The following ANKFN1 variants were observed in gnomAD, a reference collection of about 807,000 sequenced individuals.
The protein encoded by ANKFN1 is ankyrin repeat and fibronectin type III domain containing 1.
Under a neutral mutation model 108.7 loss-of-function variants are expected in ANKFN1, and 74 were observed. The ratio of observed to expected loss-of-function variants is 0.68; its 90% confidence interval spans 0.56 to 0.83. The LOEUF is 0.83. Ranked by LOEUF, ANKFN1 falls within the 40% of genes least tolerant of loss-of-function variation. The pLI is 0.00. For missense variants in ANKFN1, 1,505 were observed against 1,382.3 expected, an observed-to-expected ratio of 1.09 and a Z score of -1.41; for synonymous variants, 547 against 516.2, an observed-to-expected ratio of 1.06 and a Z score of -0.81.
chr17:56,457,468 G>A (rs973215111), intron 13 of ANKFN1, 79 bp downstream of exon 13: 2 of 1,420,198 alleles, frequency 1.4e-6, no homozygotes, highest in Non-Finnish European at 9.5e-7. Flanking sequence ...ATTAGTTGAG[G>A]GGTCTCCAGC....
At chr17:56,356,479 C>T (rs1036575717) in intron 6 of ANKFN1, among the ~76,000 whole-genome samples, 4 of 152,118 alleles carry the variant, frequency 2.6e-5, no homozygotes, top group African/African-American at 9.7e-5. Context: ...CGTAAATCGC[C>T]ACCACCCAAA....
chr17:56,237,539 T>G (rs1301462909), intron 3 of ANKFN1, among the ~76,000 whole-genome samples: 2 of 152,170 alleles, frequency 1.3e-5, no homozygotes, highest in Non-Finnish European at 2.9e-5. Context: ...AATTTATCCA[T>G]CTCTTCTAGG....
At chr17:56,439,000 G>A (rs573991893) in intron 8 of ANKFN1, among the ~76,000 whole-genome samples, 1 of 152,268 alleles carries the variant, frequency 6.6e-6, no homozygotes, top group Admixed American at 6.5e-5. Flanking sequence ...AAAACCGGGG[G>A]AGGGGAATGG....
intron 8 of ANKFN1, among the ~76,000 whole-genome samples, chr17:56,388,732 T>G (rs2047344945): frequency 1.3e-5 from 2 of 152,178 alleles, no homozygotes; most frequent in Non-Finnish European, 2.9e-5. Flanking sequence ...CCTTTCAGAG[T>G]ATTACTTATT....
intron 8 of ANKFN1, among the ~76,000 whole-genome samples, chr17:56,414,990 G>T (rs1409365879): frequency 6.6e-6 from 1 of 151,956 alleles, no homozygotes; most frequent in African/African-American, 2.4e-5. Context: ...ACTGCACTCT[G>T]GCCTTGGTGA....
chr17:56,126,391 C>T (rs1005167245), intron 4 of ANKFN1, among the ~76,000 whole-genome samples: 2 of 152,114 alleles, frequency 1.3e-5, no homozygotes, highest in Non-Finnish European at 2.9e-5. Context: ...ATGCTTTTCT[C>T]CCCCTTCTTG....
intron 8 of ANKFN1, among the ~76,000 whole-genome samples, chr17:56,428,462 C>CTTTT (rs1183827202): frequency 1.5e-5 from 2 of 133,292 alleles, no homozygotes; most frequent in African/African-American, 5.6e-5. Flanking sequence ...AGCTTTTTTT[C>CTTTT]TTTTTTTTTT....
intron 4 of ANKFN1, among the ~76,000 whole-genome samples, chr17:56,129,814 T>C (rs1332768061): frequency 1.3e-5 from 2 of 152,338 alleles, no homozygotes; most frequent in East Asian, 3.9e-4. Context: ...CACTGTGTCC[T>C]TCCAATATGG....
At chr17:56,299,785 A>G (rs1188127253) in intron 3 of ANKFN1, among the ~76,000 whole-genome samples, 3 of 152,208 alleles carry the variant, frequency 2.0e-5, no homozygotes, top group African/African-American at 7.2e-5. Flanking sequence ...GTAAACCCCA[A>G]TAAGAGCTAG....
chr17:56,508,646 A>AG, intron 20 of ANKFN1, among the ~76,000 whole-genome samples: 1 of 152,196 alleles, frequency 6.6e-6, no homozygotes, highest in South Asian at 2.1e-4. Context: ...GAATGGAGGG[A>AG]GAAAAATAAA....
intron 4 of ANKFN1, among the ~76,000 whole-genome samples, chr17:56,068,957 A>T (rs985501005): frequency 6.6e-6 from 1 of 152,206 alleles, no homozygotes; most frequent in African/African-American, 2.4e-5. Context: ...TTCTCAATGA[A>T]TTAGATATAT....
chr17:56,163,189 T>C (rs1241172565), intron 1 of ANKFN1, among the ~76,000 whole-genome samples: 1 of 152,128 alleles, frequency 6.6e-6, no homozygotes, highest in Non-Finnish European at 1.5e-5. Flanking sequence ...AAACCCATAC[T>C]TGAACCTTAA....
chr17:56,399,057 A>G (rs2047673003), intron 8 of ANKFN1, among the ~76,000 whole-genome samples: 1 of 152,148 alleles, frequency 6.6e-6, no homozygotes. Flanking sequence ...GTCACATACC[A>G]GTGAGGAAAA....
intron 4 of ANKFN1, among the ~76,000 whole-genome samples, chr17:56,146,939 A>G (rs1424660615): frequency 6.6e-6 from 1 of 152,092 alleles, no homozygotes; most frequent in Non-Finnish European, 1.5e-5. Context: ...CCAAACTTTT[A>G]TGTCTGCTTC....
chr17:56,454,015 A>T (rs1189903414), intron 11 of ANKFN1, among the ~76,000 whole-genome samples: 1 of 152,178 alleles, frequency 6.6e-6, no homozygotes, highest in Non-Finnish European at 1.5e-5. Flanking sequence ...TCCTTTCAAC[A>T]TGAGAAGTTA....
chr17:56,454,822 G>A (rs911280516), intron 11 of ANKFN1, among the ~76,000 whole-genome samples: 4 of 152,122 alleles, frequency 2.6e-5, no homozygotes, highest in Non-Finnish European at 5.9e-5. Context: ...ACCATCATCA[G>A]CACCCCATTT....
chr17:56,445,322 T>C (rs1256548700), intron 10 of ANKFN1, among the ~76,000 whole-genome samples: 1 of 152,148 alleles, frequency 6.6e-6, no homozygotes, highest in African/African-American at 2.4e-5. Context: ...AGATCAGAGG[T>C]TCAGTTTCCA....
intron 3 of ANKFN1, among the ~76,000 whole-genome samples, chr17:56,270,245 G>A (rs1248099216): frequency 2.0e-5 from 3 of 152,258 alleles, no homozygotes; most frequent in East Asian, 3.9e-4. Flanking sequence ...CCATAGTCAC[G>A]GGGCTTCACA....
At chr17:56,202,813 A>T (rs1914173500) in intron 1 of ANKFN1, among the ~76,000 whole-genome samples, 1 of 152,244 alleles carries the variant, frequency 6.6e-6, no homozygotes, top group African/African-American at 2.4e-5. Flanking sequence ...TTTTGAAAAA[A>T]ATATAATGAT....
Sources: gnomAD v4.1 joint callset for allele counts (sites outside exome capture counted in the v4.1 genomes callset) on GRCh38, gnomAD v4.1.1 for gene constraint, MANE v1.5 for transcripts, NCBI Gene and HGNC (gene_info 2026-07-23, HGNC 2026-07-21) for gene names.